FAM135B: variants seen among roughly 807,000 people sequenced by gnomAD.
FAM135B encodes family with sequence similarity 135 member B, also known as protein FAM135B.
FAM135B carries 43 observed loss-of-function variants against 127.7 expected under a neutral mutation model. The ratio of observed to expected loss-of-function variants is 0.34; its 90% CI spans 0.26 to 0.43. The LOEUF is 0.43. FAM135B is among the 20% of genes least tolerant of loss of function. The pLI, the probability that FAM135B is intolerant of heterozygous loss-of-function variation, is 1.00. For missense variants in FAM135B, 1,558 were observed against 1,725.6 expected (o/e 0.90, Z 1.72); for synonymous variants, 670 against 665.1 (o/e 1.01, Z -0.11).
chr8:138,368,011 CAA>C lies in FAM135B; in HGVS notation c.-19-11_-19-10del, dbSNP rs768616703. 1.3e-6 allele frequency: 2 copies of C among 1,597,792 alleles called. No homozygotes were observed. The highest frequency in any genetic ancestry group is 2.2e-5 in the South Asian group (2 of 90,744). ...TCTTTTTGGCTCATTACCTGAAAAA[CAA>C]GAGAGAAATTAACAGTTTGAGATCA... On this transcript the variant is annotated splice_polypyrimidine_tract_variant and intron_variant, in intron 1 of 19. Transcript: ENST00000395297.
intron 1 of FAM135B, among the ~76,000 whole-genome samples, chr8:138,492,782 G>C (rs1483394919): frequency 1.3e-5 from 2 of 152,056 alleles, no homozygotes; most frequent in African/African-American, 4.8e-5. Context: ...TCTCCTTTAA[G>C]AAGGCATCCT....
At chr8:138,401,619 G>A (rs1001972603) in intron 1 of FAM135B, among the ~76,000 whole-genome samples, 1 of 152,148 alleles carries the variant, frequency 6.6e-6, no homozygotes, top group Non-Finnish European at 1.5e-5. Flanking sequence ...AAATAAGAAA[G>A]AAAAATGGCC....
intron 1 of FAM135B, among the ~76,000 whole-genome samples, chr8:138,416,642 C>T (rs1834172828): frequency 6.6e-6 from 1 of 152,160 alleles, no homozygotes; most frequent in South Asian, 2.1e-4. Flanking sequence ...AGATACTGAG[C>T]TGAAACCAAA....
chr8:138,168,258 A>G (rs1820126973), intron 11 of FAM135B, among the ~76,000 whole-genome samples: 1 of 152,188 alleles, frequency 6.6e-6, no homozygotes, highest in Non-Finnish European at 1.5e-5. Context: ...AAGTTAGAGG[A>G]CATGGATTGT....
intron 12 of FAM135B, 94 bp from the exon 13 acceptor site, chr8:138,153,310 T>C: frequency 9.2e-7 from 1 of 1,088,798 alleles, no homozygotes. Flanking sequence ...AGAATTTAGC[T>C]ATGTGGACTC....
chr8:138,285,564 A>C (rs72723686), intron 3 of FAM135B, among the ~76,000 whole-genome samples: 12,003 of 152,272 alleles, frequency 0.079, 813 homozygotes, highest in East Asian at 0.22. Flanking sequence ...AAAATCTAGC[A>C]CAGTGCCCAG....
intron 5 of FAM135B, among the ~76,000 whole-genome samples, chr8:138,254,514 C>A (rs9644497): frequency 0.3 from 45,845 of 152,030 alleles, 7,754 homozygotes; most frequent in East Asian, 0.62. Flanking sequence ...ATGACAGAAA[C>A]CCCAGATGGT....
At chr8:138,224,164 C>T (rs373977766) in intron 7 of FAM135B, among the ~76,000 whole-genome samples, 12 of 152,082 alleles carry the variant, frequency 7.9e-5, no homozygotes, top group Middle Eastern at 3.4e-3. Flanking sequence ...TGCACATGTG[C>T]CCCCTGAACC....
intron 6 of FAM135B, among the ~76,000 whole-genome samples, chr8:138,245,764 G>C (rs1188840826): frequency 6.6e-6 from 1 of 152,158 alleles, no homozygotes; most frequent in Admixed American, 6.5e-5. Flanking sequence ...AACAGGCAGA[G>C]GTTGGAACAG....
chr8:138,361,077 C>A (rs1830391223), intron 2 of FAM135B, among the ~76,000 whole-genome samples: 1 of 152,120 alleles, frequency 6.6e-6, no homozygotes, highest in Non-Finnish European at 1.5e-5. Flanking sequence ...AGGTGCATGC[C>A]ACCATGTCCA....
At chr8:138,267,147 G>A (rs1823002080) in intron 3 of FAM135B, among the ~76,000 whole-genome samples, 1 of 152,082 alleles carries the variant, frequency 6.6e-6, no homozygotes, top group Non-Finnish European at 1.5e-5. Context: ...ACATCCTAAG[G>A]GTAGAGTTCT....
intron 1 of FAM135B, among the ~76,000 whole-genome samples, chr8:138,484,911 T>C (rs751376702): frequency 6.6e-6 from 1 of 152,170 alleles, no homozygotes; most frequent in Non-Finnish European, 1.5e-5. Context: ...TCTTTATACA[T>C]TTCCTTTAAA....
At chr8:138,279,712 C>T (rs1824115057) in intron 3 of FAM135B, among the ~76,000 whole-genome samples, 2 of 152,174 alleles carry the variant, frequency 1.3e-5, no homozygotes, top group Admixed American at 1.3e-4. Flanking sequence ...TACACCTTTC[C>T]TGTGTCTCAC....
At chr8:138,133,509 G>A (rs7459851) in intron 19 of FAM135B, among the ~76,000 whole-genome samples, 123,402 of 152,182 alleles carry the variant, frequency 0.81, 50,354 homozygotes, top group East Asian at 1. Context: ...GACAACTTTT[G>A]TATCATTGAC....
chr8:138,378,086 T>TAACTTGTGACATAACTGCATGTA (rs1831602367), intron 1 of FAM135B, among the ~76,000 whole-genome samples: 2 of 152,218 alleles, frequency 1.3e-5, no homozygotes, highest in Admixed American at 1.3e-4. Flanking sequence ...ACAAGTCACA[T>TAACTTGTGACATAACTGCATGTA]AACATCTCTA....
At chr8:138,390,080 C>G (rs577371247) in intron 1 of FAM135B, among the ~76,000 whole-genome samples, 376 of 152,308 alleles carry the variant, frequency 2.5e-3, no homozygotes, top group Non-Finnish European at 4.0e-3. Context: ...GATTTCCAGA[C>G]TTAGCAAATA....
At chr8:138,161,231 C>G (rs1426300126) in intron 12 of FAM135B, among the ~76,000 whole-genome samples, 1 of 151,188 alleles carries the variant, frequency 6.6e-6, no homozygotes, top group Non-Finnish European at 1.5e-5. Flanking sequence ...CTCCCAGAAC[C>G]ATTGTGATCT....
chr8:138,247,893 C>T (rs1006603210), intron 6 of FAM135B, among the ~76,000 whole-genome samples: 2 of 152,258 alleles, frequency 1.3e-5, no homozygotes, highest in African/African-American at 2.4e-5. Context: ...TCACTTTTCA[C>T]TGTCACAGTC....
chr8:138,393,793 C>T (rs996816514), intron 1 of FAM135B, among the ~76,000 whole-genome samples: 2 of 152,090 alleles, frequency 1.3e-5, no homozygotes, highest in African/African-American at 4.8e-5. Context: ...CAGTGTGTGC[C>T]ACATAAAGCC....
Sources: allele counts gnomAD v4.1 joint callset (sites outside exome capture counted in the v4.1 genomes callset), GRCh38; gene constraint gnomAD v4.1.1; transcripts MANE v1.5; gene names NCBI Gene and HGNC (gene_info 2026-07-23, HGNC 2026-07-21).